MAPK8IP1: variants seen among roughly 807,000 people sequenced by gnomAD.
MAPK8IP1 encodes mitogen-activated protein kinase 8 interacting protein 1.
MAPK8IP1 carries 17 observed loss-of-function variants against 72.6 expected under a neutral mutation model. That is an observed-to-expected ratio of 0.23 (90% CI 0.16 to 0.35). The LOEUF (loss-of-function observed/expected upper bound fraction) is 0.35, where lower values mean the gene tolerates loss of function less well. MAPK8IP1 is among the 10% of genes least tolerant of loss of function. The pLI is 1.00. For synonymous variants in MAPK8IP1, 401 were observed against 443.4 expected (o/e 0.90, Z 1.20); for missense variants, 789 against 1,009.7 (o/e 0.78, Z 2.96).
Position 45,905,966 on chromosome 11 carries a change from A to G in MAPK8IP1, c.*245A>G. 3.4e-6 allele frequency: 2 copies of G among 591,698 alleles called. No homozygotes were observed. Among genetic ancestry groups the G allele is most frequent in the East Asian group, 5.6e-5 (2 of 35,428 alleles). The allele number at this position is 591,698 out of a possible 1,614,324, so 36.7% of individuals were successfully genotyped here. ...GTGGGCTGCCTGGGGATTGGGAGGG[A>G]CAGGGCTTGGGGAGCAGGTCTCTGG... On this transcript the variant is annotated 3_prime_UTR_variant, in exon 12 of 12. Coordinates refer to ENST00000241014, the MANE Select transcript of MAPK8IP1 (RefSeq NM_005456.4).
chr11:45,890,330 A>G (rs903840914), intron 1 of MAPK8IP1, among the ~76,000 whole-genome samples: 3 of 152,264 alleles, frequency 2.0e-5, no homozygotes, highest in South Asian at 2.1e-4. Context: ...CCTGGGCCAC[A>G]TGGAAGAAAA....
At chr11:45,899,256 C>T (rs1156989289) in intron 2 of MAPK8IP1, among the ~76,000 whole-genome samples, 1 of 152,252 alleles carries the variant, frequency 6.6e-6, no homozygotes, top group Non-Finnish European at 1.5e-5. Flanking sequence ...TGGACTCTCA[C>T]CCTGCCCTCT....
At chr11:45,896,448 C>T (rs1047306239) in intron 1 of MAPK8IP1, 6 of 852,110 alleles carry the variant, frequency 7.0e-6, no homozygotes, top group Non-Finnish European at 8.5e-6. Flanking sequence ...TGGGGGGAAA[C>T]ATCCTAGATT....
At chr11:45,890,358 G>A (rs1368602843) in intron 1 of MAPK8IP1, among the ~76,000 whole-genome samples, 2 of 152,192 alleles carry the variant, frequency 1.3e-5, no homozygotes, top group Non-Finnish European at 2.9e-5. Context: ...TGGGCCACAC[G>A]TAAAATACAC....
Position 45,900,528 on chromosome 11 carries a change from G to A in MAPK8IP1, c.522+76G>A. 1 of 1,488,276 alleles carries A rather than the reference G, an allele frequency of 6.7e-7. No individual in the cohort carries two copies. The highest frequency in any genetic ancestry group is 9.0e-7 in the Non-Finnish European group (1 of 1,115,534). 92.2% of individuals were successfully genotyped at this position (1,488,276 alleles called of 1,614,324 possible). ...GGGGGAGCGCAGAGGGGCTGCAGCG[G>A]GAAGGGGCACCCACGGGTCCAGTGC... On this transcript the variant is annotated intron_variant, in intron 3 of 11. Coordinates refer to ENST00000241014, the MANE Select transcript of MAPK8IP1 (RefSeq NM_005456.4). This position sits in a 1 kb window ranked among gnomAD's most constrained non-coding sequence, Gnocchi z 6.5.
chr11:45,905,571 G>A lies in MAPK8IP1; in HGVS notation c.2064-78G>A, dbSNP rs997562710. On this transcript the variant is annotated intron_variant, in intron 11 of 11. Coordinates refer to ENST00000241014, the MANE Select transcript of MAPK8IP1 (RefSeq NM_005456.4). ...TGCACTTGGGCCCCAAGGCTCCAGC[G>A]GGAAAACCCTGGGTCGGGATCCTGT... The A allele has an allele frequency of 2.2e-5, 30 of 1,336,758 alleles. 1 individual carries two copies. Among genetic ancestry groups the A allele is most frequent in the Admixed American group, 1.8e-4 (11 of 59,692 alleles). 82.8% of individuals were successfully genotyped at this position (1,336,758 alleles called of 1,614,324 possible).
intron 1 of MAPK8IP1, among the ~76,000 whole-genome samples, chr11:45,888,659 A>AT (rs2086544922): frequency 6.6e-6 from 1 of 151,850 alleles, no homozygotes; most frequent in African/African-American, 2.4e-5. Flanking sequence ...ACCTTTGGGT[A>AT]TGGTATGGGG....
In MAPK8IP1 at chr11:45,900,872, G is replaced by T. The variant is rs186919837; in HGVS notation, c.522+420G>T. ...AAAGGGCATCTGAAATGGTCATCGTGGGGGAGGCCGTGGGAGATCGTGGCG... is the reference window on the plus strand; with the variant it reads ...AAAGGGCATCTGAAATGGTCATCGTTGGGGAGGCCGTGGGAGATCGTGGCG... On this transcript the variant is annotated intron_variant, in intron 3 of 11. Coordinates refer to ENST00000241014, the MANE Select transcript of MAPK8IP1 (RefSeq NM_005456.4). The surrounding 1 kb of genome is among the most constrained non-coding windows in gnomAD (Gnocchi z 6.5). Among the ~76,000 whole-genome samples, 2 of 152,220 alleles carry T rather than the reference G, an allele frequency of 1.3e-5. No individual in the cohort carries two copies. Among genetic ancestry groups the T allele is most frequent in the African/African-American group, 2.4e-5 (1 of 41,524 alleles).
At chr11:45,886,126 C>T (rs2086525405) in intron 1 of MAPK8IP1, among the ~76,000 whole-genome samples, 2 of 152,242 alleles carry the variant, frequency 1.3e-5, no homozygotes, top group Non-Finnish European at 2.9e-5. Context: ...GTTCACGAGG[C>T]TGTTCCCTCC....
At chr11:45,899,198 A>C (rs1224029900) in intron 2 of MAPK8IP1, among the ~76,000 whole-genome samples, 1 of 152,228 alleles carries the variant, frequency 6.6e-6, no homozygotes, top group Admixed American at 6.5e-5. Context: ...GATTTGGGGA[A>C]TGGTCTCAGA....
rs533378630 is a variant in MAPK8IP1, at chr11:45,902,799, G to T, written c.1032G>T (p.Arg344=). 1.9e-6 allele frequency: 3 copies of T among 1,589,490 alleles called. No individual in the cohort carries two copies. In the East Asian group the frequency reaches 6.8e-5, roughly 36 times the overall value. The change falls in exon 5 of 12, where the codon CGG becomes CGT. Residue 344 remains arginine (R), a synonymous_variant. Coordinates refer to ENST00000241014, the MANE Select transcript of MAPK8IP1 (RefSeq NM_005456.4). The surrounding 1 kb of genome is among the most constrained non-coding windows in gnomAD (Gnocchi z 9.3). ...EGFDCLSSPE[R]AEPPGGGWRG... is the part of the protein sequence containing the mutation. ...TCGACTGCCTGTCGTCCCCAGAGCG[G>T]GCTGAGCCCCCAGGCGGAGGGTGGC...
intron 1 of MAPK8IP1, among the ~76,000 whole-genome samples, chr11:45,886,472 C>G (rs992420774): frequency 3.3e-5 from 5 of 152,210 alleles, no homozygotes; most frequent in Admixed American, 6.5e-5. Context: ...GCAGGTGTGT[C>G]TCTCAGGGCA....
intron 3 of MAPK8IP1, among the ~76,000 whole-genome samples, chr11:45,901,147 C>T (rs983364233): frequency 2.0e-5 from 3 of 152,074 alleles, no homozygotes; most frequent in Non-Finnish European, 4.4e-5. Context: ...GCGGCTGGGG[C>T]TGCGGGGAAA....
At chr11:45,897,236 G>C (rs932555052) in intron 1 of MAPK8IP1, among the ~76,000 whole-genome samples, 17 of 151,896 alleles carry the variant, frequency 1.1e-4, no homozygotes, top group Admixed American at 2.6e-4. Context: ...GAGTGCCCAG[G>C]ACCTAGAGGT....
Position 45,885,731 on chromosome 11 carries a change from G to A in MAPK8IP1, c.-90G>A, listed in dbSNP as rs2086521059. On this transcript the variant is annotated 5_prime_UTR_variant, in exon 1 of 12. Transcript: ENST00000241014. ...CGCCTAGCCCGAACTCCGCGGCGGC[G>A]GCTGCCCTCTCGCCGCGCCTCCGCC... 2 of 669,850 alleles carry A rather than the reference G, an allele frequency of 3.0e-6. No individual in the cohort carries two copies. The highest frequency in any genetic ancestry group is 7.2e-5 in the East Asian group (2 of 27,806). The allele number at this position is 669,850 out of a possible 1,614,324, so 41.5% of individuals were successfully genotyped here. A position where few individuals can be genotyped will look rare whatever the true frequency, so the allele number is the denominator to read the frequency against.
intron 1 of MAPK8IP1, 75 bp downstream of exon 1, chr11:45,885,996 C>T (rs908159840): frequency 2.4e-5 from 21 of 881,848 alleles, no homozygotes; most frequent in Middle Eastern, 2.4e-4. Context: ...GCCCGCCCCC[C>T]ACCCCAGAAC....
At chr11:45,894,179 A>G (rs964495307) in intron 1 of MAPK8IP1, among the ~76,000 whole-genome samples, 1 of 152,170 alleles carries the variant, frequency 6.6e-6, no homozygotes, top group Non-Finnish European at 1.5e-5. Flanking sequence ...GTAAAATGGG[A>G]AAAATGGAAC....
intron 2 of MAPK8IP1, among the ~76,000 whole-genome samples, chr11:45,899,656 C>T (rs190922336): frequency 1.1e-3 from 160 of 152,280 alleles, no homozygotes; most frequent in Admixed American, 2.3e-3. Flanking sequence ...CCCTCGGCGT[C>T]TCCTTCCCAT....
chr11:45,905,324 G>T, intron 11 of MAPK8IP1, 75 bp downstream of exon 11: 1 of 1,339,668 alleles, frequency 7.5e-7, no homozygotes, highest in Non-Finnish European at 1.1e-6. Context: ...GCTTCCTGGC[G>T]CTCAGCTTTG....
Sources: allele counts gnomAD v4.1 joint callset (sites outside exome capture counted in the v4.1 genomes callset), GRCh38; gene constraint gnomAD v4.1.1; non-coding constraint Gnocchi (gnomAD v3.1); transcripts MANE v1.5; gene names NCBI Gene and HGNC (gene_info 2026-07-23, HGNC 2026-07-21).